The following PLEKHA5 variants were observed in gnomAD, a reference collection of about 807,000 sequenced individuals.
PLEKHA5 encodes pleckstrin homology domain containing A5.
In PLEKHA5, 55 loss-of-function variants were observed where a neutral mutation model predicts 181.9. The observed-to-expected ratio is 0.30, with a 90% CI of 0.24 to 0.38. The LOEUF is 0.38. Ranked by LOEUF, PLEKHA5 falls within the 10% of genes least tolerant of loss-of-function variation. The pLI, the probability that PLEKHA5 is intolerant of heterozygous loss-of-function variation, is 1.00. For missense variants in PLEKHA5, 1,432 were observed against 1,549.5 expected (o/e 0.92, Z 1.27); for synonymous variants, 535 against 529.4 (o/e 1.01, Z -0.15).
chr12:19,177,408 A>G (rs1277863044), intron 3 of PLEKHA5, among the ~76,000 whole-genome samples: 1 of 152,204 alleles, frequency 6.6e-6, no homozygotes, highest in Non-Finnish European at 1.5e-5. Flanking sequence ...TGTAATCCTC[A>G]TAACAGAACA....
chr12:19,193,694 T>G (rs1592009415), intron 3 of PLEKHA5, among the ~76,000 whole-genome samples: 1 of 152,150 alleles, frequency 6.6e-6, no homozygotes, highest in Admixed American at 6.5e-5. Context: ...CCCATCCCTC[T>G]GAGTCCCTGT....
chr12:19,227,541 G>T (rs971012732), intron 3 of PLEKHA5, among the ~76,000 whole-genome samples: 2 of 152,098 alleles, frequency 1.3e-5, no homozygotes, highest in Non-Finnish European at 2.9e-5. Context: ...GAATGTGAGT[G>T]ATTTTCTCAA....
chr12:19,306,553 C>T (rs1489742495), intron 15 of PLEKHA5: 1 of 760,642 alleles, frequency 1.3e-6, no homozygotes, highest in Admixed American at 1.7e-5. Flanking sequence ...CCGTGAGCAA[C>T]ACTACCATCG....
chr12:19,180,858 G>A (rs1410931914), intron 3 of PLEKHA5, among the ~76,000 whole-genome samples: 1 of 148,646 alleles, frequency 6.7e-6, no homozygotes. Context: ...ATGCACCTAC[G>A]GCTCCTAAAA....
chr12:19,371,059 A>AGTG (rs1181728788), intron 31 of PLEKHA5: 1 of 146,486 alleles, frequency 6.8e-6, no homozygotes, highest in Non-Finnish European at 1.5e-5. Flanking sequence ...GCTGGAGTGC[A>AGTG]GTGGTGCAAG....
intron 28 of PLEKHA5, among the ~76,000 whole-genome samples, chr12:19,361,078 A>G (rs753617510): frequency 6.6e-6 from 1 of 151,492 alleles, no homozygotes; most frequent in Non-Finnish European, 1.5e-5. Context: ...TAGACAAATA[A>G]CTTTTTGCAT....
At chr12:19,140,150 C>T (rs539417003) in intron 3 of PLEKHA5, among the ~76,000 whole-genome samples, 1 of 152,176 alleles carries the variant, frequency 6.6e-6, no homozygotes, top group African/African-American at 2.4e-5. Flanking sequence ...AAAAATTCTG[C>T]CCGTCTGGGG....
At chr12:19,153,387 G>C (rs1004394160) in intron 3 of PLEKHA5, 7 of 152,062 alleles carry the variant, frequency 4.6e-5, no homozygotes, top group Admixed American at 3.3e-4. Context: ...ATCTTACATT[G>C]TTGGGATCAA....
At chr12:19,285,377 A>G (rs962938912) in intron 12 of PLEKHA5, among the ~76,000 whole-genome samples, 1 of 152,180 alleles carries the variant, frequency 6.6e-6, no homozygotes, top group African/African-American at 2.4e-5. Context: ...TCTCTATCCA[A>G]TTCTCAACTG....
In PLEKHA5 at chr12:19,235,904, A is replaced by T. The variant is rs149650445; in HGVS notation, c.228-18036A>T. Among the ~76,000 whole-genome samples the T allele has an allele frequency of 1.9e-3, 295 of 152,310 alleles. 1 individual carries two copies. The highest frequency in any genetic ancestry group is 6.8e-3 in the African/African-American group (281 of 41,578). ...ATTTAATGCACTGAGGTACAAATAT[A>T]CATTGTTACCTCTTTTTGGAGGATA... On this transcript the variant is annotated intron_variant, in intron 3 of 31. Transcript: ENST00000429027.
chr12:19,161,496 C>G (rs2042955972), intron 3 of PLEKHA5, among the ~76,000 whole-genome samples: 1 of 152,100 alleles, frequency 6.6e-6, no homozygotes, highest in South Asian at 2.1e-4. Flanking sequence ...CAATCAGCAC[C>G]CCTCTCCCAC....
chr12:19,263,771 T>G (rs2069336612), intron 7 of PLEKHA5, among the ~76,000 whole-genome samples: 1 of 151,980 alleles, frequency 6.6e-6, no homozygotes, highest in Admixed American at 6.6e-5. Context: ...TTTTGGAGAG[T>G]GTTGTTCTTG....
intron 11 of PLEKHA5, among the ~76,000 whole-genome samples, chr12:19,277,202 C>T (rs1040759922): frequency 6.6e-6 from 1 of 152,118 alleles, no homozygotes; most frequent in Admixed American, 6.6e-5. Context: ...AAAGTAATCA[C>T]TTTCAGAAAA....
chr12:19,166,883 ATTAAG>A (rs1035633773), intron 3 of PLEKHA5, among the ~76,000 whole-genome samples: 4 of 152,218 alleles, frequency 2.6e-5, no homozygotes, highest in African/African-American at 4.8e-5. Flanking sequence ...ATTTGTTTAA[ATTAAG>A]TTATCAAATT....
chr12:19,251,221 A>T (rs1293128072), intron 3 of PLEKHA5, among the ~76,000 whole-genome samples: 1 of 152,046 alleles, frequency 6.6e-6, no homozygotes, highest in African/African-American at 2.4e-5. Context: ...CCTGGCCAAC[A>T]TGGCAAAACC....
chr12:19,202,833 CAT>C (rs2152084564), intron 3 of PLEKHA5, among the ~76,000 whole-genome samples: 1 of 152,202 alleles, frequency 6.6e-6, no homozygotes, highest in South Asian at 2.1e-4. Context: ...CACCCATCCT[CAT>C]GTATCAGTTA....
At chr12:19,282,232 G>A (rs2076345819) in intron 11 of PLEKHA5, among the ~76,000 whole-genome samples, 1 of 152,134 alleles carries the variant, frequency 6.6e-6, no homozygotes, top group Non-Finnish European at 1.5e-5. Context: ...TAATGTACAT[G>A]AAGCATTTTT....
chr12:19,199,373 C>T (rs893243740), intron 3 of PLEKHA5, among the ~76,000 whole-genome samples: 2 of 152,120 alleles, frequency 1.3e-5, no homozygotes, highest in Non-Finnish European at 2.9e-5. Context: ...AGTGTCATTA[C>T]TTCATGACTG....
intron 3 of PLEKHA5, among the ~76,000 whole-genome samples, chr12:19,191,754 A>G (rs74974316): frequency 0.073 from 11,184 of 152,188 alleles, 433 homozygotes; most frequent in South Asian, 0.11. Flanking sequence ...TTAAGGCTTT[A>G]GTCTCTGCAA....
Sources: allele counts gnomAD v4.1 joint callset (sites outside exome capture counted in the v4.1 genomes callset), GRCh38; gene constraint gnomAD v4.1.1; transcripts MANE v1.5; gene names NCBI Gene and HGNC (gene_info 2026-07-23, HGNC 2026-07-21).